The following GRK7 variants were observed in gnomAD, a reference collection of about 807,000 sequenced individuals.
GRK7 encodes the protein G protein-coupled receptor kinase 7.
In GRK7, 24 loss-of-function variants were observed where a neutral mutation model predicts 34.1. That is an observed-to-expected ratio of 0.70 (90% CI 0.51 to 0.99). The LOEUF (loss-of-function observed/expected upper bound fraction) is 0.99. Ranked by LOEUF, GRK7 falls within the 50% of genes least tolerant of loss-of-function variation. GRK7 has a pLI of 0.00. For missense variants in GRK7, 644 were observed against 707.3 expected, an observed-to-expected ratio of 0.91 and a Z score of 1.02; for synonymous variants, 256 against 279.4, an observed-to-expected ratio of 0.92 and a Z score of 0.84.
chr3:141,813,235 CCTCT>C (rs1711111965), intron 5 of GRK7, among the ~76,000 whole-genome samples: 1 of 152,162 alleles, frequency 6.6e-6, no homozygotes, highest in South Asian at 2.1e-4. Context: ...AAGAAATTCT[CCTCT>C]CTCAGCCTCC....
chr3:141,779,281 G>A (rs1406295640), intron 3 of GRK7, among the ~76,000 whole-genome samples: 1 of 151,964 alleles, frequency 6.6e-6, no homozygotes, highest in East Asian at 1.9e-4. Context: ...AGCTGGGTGT[G>A]GTGACATGCC....
At chr3:141,797,001 C>A (rs530201218) in intron 4 of GRK7, among the ~76,000 whole-genome samples, 1 of 152,212 alleles carries the variant, frequency 6.6e-6, no homozygotes, top group Non-Finnish European at 1.5e-5. Flanking sequence ...ACTGTTGAGG[C>A]TCAGAGGGGT....
At chr3:141,766,829 C>T (rs2084583701) in intron 1 of GRK7, among the ~76,000 whole-genome samples, 2 of 152,214 alleles carry the variant, frequency 1.3e-5, no homozygotes, top group African/African-American at 4.8e-5. Context: ...AGTTGCTTAG[C>T]AGATTTTTAA....
chr3:141,762,897 C>T (rs1398051240), upstream of GRK7, among the ~76,000 whole-genome samples: 2 of 152,202 alleles, frequency 1.3e-5, no homozygotes, highest in African/African-American at 2.4e-5. Flanking sequence ...TTTCCAGGTG[C>T]GTCCGTCACT....
chr3:141,779,421 A>AAAAG (rs1327819205), intron 3 of GRK7, among the ~76,000 whole-genome samples: 3 of 151,730 alleles, frequency 2.0e-5, no homozygotes, highest in Non-Finnish European at 4.4e-5. Context: ...AAAAAAAAAA[A>AAAAG]AAAAAGAAAG....
chr3:141,792,342 T>C (rs1344347837), intron 4 of GRK7, among the ~76,000 whole-genome samples: 1 of 149,494 alleles, frequency 6.7e-6, no homozygotes, highest in Non-Finnish European at 1.5e-5. Flanking sequence ...AGACGGAGGC[T>C]GCAGTGAGTG....
In GRK7 at chr3:141,803,259, T is replaced by G. The variant is rs1398718785; in HGVS notation, c.1051-4386T>G. Among the ~76,000 whole-genome samples, 20 of 121,456 alleles carry G rather than the reference T, an allele frequency of 1.6e-4. 1 individual carries two copies. Among genetic ancestry groups the G allele is most frequent in the African/African-American group, 6.3e-4 (20 of 31,784 alleles). 79.7% of individuals were successfully genotyped at this position (121,456 alleles called of 152,430 possible). A position where few individuals can be genotyped will look rare whatever the true frequency, so the allele number is the denominator to read the frequency against. ...CTGGCCAACATGGTGAAACCCTGTC[T>G]CTACTGAAAAAAAAAAAAAAAAAAA... is the stretch of plus-strand genomic sequence containing the variant. On this transcript the variant is annotated intron_variant, in intron 4 of 5. Transcript: ENST00000682958.
chr3:141,793,991 G>A (rs1313203741), intron 4 of GRK7, among the ~76,000 whole-genome samples: 1 of 152,166 alleles, frequency 6.6e-6, no homozygotes. Context: ...ACCTGAGGAA[G>A]CATGTGCCTG....
At chr3:141,815,699 C>CTGTGTGTGTG (rs61336912) in intron 5 of GRK7, among the ~76,000 whole-genome samples, 13,889 of 145,854 alleles carry the variant, frequency 0.095, 715 homozygotes, top group Non-Finnish European at 0.12. Context: ...CTATTTTGAG[C>CTGTGTGTGTG]TGTGTGTGTG....
intron 5 of GRK7, among the ~76,000 whole-genome samples, chr3:141,808,682 C>A (rs1711060775): frequency 1.3e-5 from 2 of 151,914 alleles, no homozygotes; most frequent in South Asian, 4.2e-4. Flanking sequence ...CACTGCACTC[C>A]AGCCTGGGTG....
At chr3:141,791,813 G>A (rs1157480525) in intron 4 of GRK7, among the ~76,000 whole-genome samples, 1 of 151,752 alleles carries the variant, frequency 6.6e-6, no homozygotes, top group Non-Finnish European at 1.5e-5. Context: ...AGACCAGCCT[G>A]GCCAACATGG....
At chr3:141,763,110 G>A (rs938062257), upstream of GRK7, among the ~76,000 whole-genome samples, 1 of 152,246 alleles carries the variant, frequency 6.6e-6, no homozygotes, top group Non-Finnish European at 1.5e-5. Flanking sequence ...GCTGGGAGCT[G>A]TAGACCGGAG....
intron 1 of GRK7, among the ~76,000 whole-genome samples, chr3:141,769,565 G>T (rs1052380437): frequency 6.6e-6 from 1 of 152,182 alleles, no homozygotes; most frequent in African/African-American, 2.4e-5. Context: ...TACAGGAGTT[G>T]GTCATCATCC....
At chr3:141,760,569 T>A (rs2084551063), upstream of GRK7, among the ~76,000 whole-genome samples, 1 of 147,076 alleles carries the variant, frequency 6.8e-6, no homozygotes, top group African/African-American at 2.5e-5. Context: ...TGTGGTGTGG[T>A]GCTGAAAAAA....
chr3:141,802,475 A>ATAGCCATGG (rs1710980356), intron 4 of GRK7, among the ~76,000 whole-genome samples: 2 of 152,148 alleles, frequency 1.3e-5, no homozygotes, highest in Non-Finnish European at 2.9e-5. Flanking sequence ...GATAGCCATG[A>ATAGCCATGG]TAGCCAGCAC....
At chr3:141,794,232 T>G (rs2084739044) in intron 4 of GRK7, among the ~76,000 whole-genome samples, 1 of 152,142 alleles carries the variant, frequency 6.6e-6, no homozygotes, top group Non-Finnish European at 1.5e-5. Context: ...GATAAATGAT[T>G]ACAAACAGCA....
the GRK7 span, among the ~76,000 whole-genome samples, chr3:141,756,130 G>C: frequency 6.6e-6 from 1 of 151,996 alleles, no homozygotes; most frequent in Non-Finnish European, 1.5e-5. Context: ...CAGCTAACGT[G>C]GTAAAACCTC....
rs72103272 is a variant in GRK7 at position 141,774,779 on chromosome 3, GATTATTATTATTATTATT to G, written c.-114+119_-114+136del. Among the ~76,000 whole-genome samples the G allele has an allele frequency of 7.7e-4, 114 of 147,850 alleles. 1 individual carries two copies. Among genetic ancestry groups the G allele is most frequent in the African/African-American group, 2.4e-3 (98 of 40,618 alleles). On this transcript the variant is annotated intron_variant, in intron 2 of 5. Transcript: ENST00000682958. ...TATTTAAACTTGTTGTCACCAGTCA[GATTATTATTATTATTATT>G]ATTATTATTATTATTATTAATTATT...
chr3:141,755,005 G>T, the GRK7 span, among the ~76,000 whole-genome samples: 15 of 152,074 alleles, frequency 9.9e-5, no homozygotes, highest in African/African-American at 3.4e-4. Flanking sequence ...ATATAACTAC[G>T]TATGGAAAAA....
Sources: gnomAD v4.1 joint callset for allele counts (sites outside exome capture counted in the v4.1 genomes callset) on GRCh38, gnomAD v4.1.1 for gene constraint, MANE v1.5 for transcripts, NCBI Gene and HGNC (gene_info 2026-07-23, HGNC 2026-07-21) for gene names.